Variants in SLC35F3 observed in about 807,000 individuals in gnomAD.
SLC35F3 encodes the protein solute carrier family 35 member F3, also known as putative thiamine transporter SLC35F3.
A neutral mutation model predicts 49.9 loss-of-function variants in SLC35F3; 25 were observed. That is an observed-to-expected ratio of 0.50 (90% CI 0.37 to 0.70). SLC35F3 has a LOEUF of 0.70. SLC35F3 is among the 30% of genes least tolerant of loss of function. The pLI, the probability that SLC35F3 is intolerant of heterozygous loss-of-function variation, is 0.00. For missense variants in SLC35F3, 525 were observed against 639.8 expected, an observed-to-expected ratio of 0.82 and a Z score of 1.94; for synonymous variants, 275 against 265.4, an observed-to-expected ratio of 1.04 and a Z score of -0.35.
intron 3 of SLC35F3, among the ~76,000 whole-genome samples, chr1:234,265,045 A>T (rs559117): frequency 0.38 from 58,222 of 151,852 alleles, 11,887 homozygotes; most frequent in Non-Finnish European, 0.45. Context: ...TGCAGTGTCT[A>T]CGCTTGCTCG....
intron 2 of SLC35F3, among the ~76,000 whole-genome samples, chr1:233,999,891 TAAC>T (rs1663524374): frequency 6.6e-6 from 1 of 152,208 alleles, no homozygotes; most frequent in Non-Finnish European, 1.5e-5. Flanking sequence ...AAAGATTTGT[TAAC>T]AAGTGAATAA....
At chr1:233,972,260 C>T (rs149873719) in intron 2 of SLC35F3, among the ~76,000 whole-genome samples, 1 of 152,256 alleles carries the variant, frequency 6.6e-6, no homozygotes, top group East Asian at 1.9e-4. Context: ...TGAATTGTGA[C>T]GTCTAGGTCA....
intron 2 of SLC35F3, among the ~76,000 whole-genome samples, chr1:234,136,533 C>T (rs1448115832): frequency 6.6e-6 from 1 of 152,110 alleles, no homozygotes; most frequent in Non-Finnish European, 1.5e-5. Flanking sequence ...CTTAATGGTG[C>T]ATATTACAGT....
chr1:234,286,666 CT>C (rs1668425729), intron 3 of SLC35F3, among the ~76,000 whole-genome samples: 1 of 152,140 alleles, frequency 6.6e-6, no homozygotes, highest in Non-Finnish European at 1.5e-5. Context: ...AAATGAACTC[CT>C]ACAAGAAGCA....
intron 2 of SLC35F3, among the ~76,000 whole-genome samples, chr1:234,111,535 C>T (rs113775048): frequency 2.0e-5 from 3 of 152,330 alleles, no homozygotes; most frequent in African/African-American, 4.8e-5. Context: ...TCAGGTCATC[C>T]GCCCGCCTCG....
At chr1:234,053,310 A>G (rs1049292577) in intron 2 of SLC35F3, among the ~76,000 whole-genome samples, 14 of 152,034 alleles carry the variant, frequency 9.2e-5, no homozygotes, top group Non-Finnish European at 2.1e-4. Context: ...TGCTTTATGA[A>G]TCTGGGTGCT....
At chr1:234,005,525 C>A (rs760075133) in intron 2 of SLC35F3, among the ~76,000 whole-genome samples, 1 of 152,100 alleles carries the variant, frequency 6.6e-6, no homozygotes, top group Non-Finnish European at 1.5e-5. Flanking sequence ...CTGCTGCTGA[C>A]GACAAATAGA....
intron 2 of SLC35F3, among the ~76,000 whole-genome samples, chr1:234,086,956 T>C (rs558304157): frequency 1.3e-5 from 2 of 152,380 alleles, no homozygotes; most frequent in East Asian, 1.9e-4. Context: ...CCAGGTATAA[T>C]AAATTGCCTC....
chr1:234,234,675 C>T (rs1214172226), intron 3 of SLC35F3, among the ~76,000 whole-genome samples: 2 of 152,088 alleles, frequency 1.3e-5, no homozygotes, highest in African/African-American at 4.8e-5. Context: ...ATGAGTGACT[C>T]CATTGAGCCC....
intron 2 of SLC35F3, among the ~76,000 whole-genome samples, chr1:234,062,290 G>A (rs1448233276): frequency 6.6e-6 from 1 of 152,134 alleles, no homozygotes; most frequent in Admixed American, 6.5e-5. Flanking sequence ...AGTCACCCTA[G>A]GATGACAGTG....
At chr1:233,909,293 C>T (rs1316176992) in intron 2 of SLC35F3, among the ~76,000 whole-genome samples, 1 of 152,196 alleles carries the variant, frequency 6.6e-6, no homozygotes, top group East Asian at 1.9e-4. Context: ...AAAAGTCCTC[C>T]AAGCTCCACA....
chr1:234,314,412 A>G (rs970727137), intron 4 of SLC35F3, among the ~76,000 whole-genome samples: 12 of 152,150 alleles, frequency 7.9e-5, no homozygotes, highest in African/African-American at 2.9e-4. Flanking sequence ...ACTGTCCTTC[A>G]TTGCCTCCAA....
intron 2 of SLC35F3, among the ~76,000 whole-genome samples, chr1:234,040,128 C>G (rs565554036): frequency 1.3e-5 from 2 of 152,242 alleles, no homozygotes; most frequent in East Asian, 3.9e-4. Flanking sequence ...GTGGAGAAGG[C>G]AGCTGGAAAG....
chr1:234,267,305 G>A (rs1453305753), intron 3 of SLC35F3, among the ~76,000 whole-genome samples: 10 of 132,732 alleles, frequency 7.5e-5, no homozygotes, highest in African/African-American at 3.0e-4. Context: ...GCAACCATCC[G>A]ATTTCTCAAT....
chr1:233,923,624 T>C (rs1662105119), intron 2 of SLC35F3, among the ~76,000 whole-genome samples: 1 of 152,178 alleles, frequency 6.6e-6, no homozygotes, highest in Admixed American at 6.5e-5. Context: ...CTTTTCCTAA[T>C]TGAATACCCT....
chr1:234,163,733 T>G (rs145442100), intron 2 of SLC35F3, among the ~76,000 whole-genome samples: 1 of 152,354 alleles, frequency 6.6e-6, no homozygotes, highest in Admixed American at 6.5e-5. Flanking sequence ...ATTTTTAAAC[T>G]CATAGACTAA....
At chr1:234,138,572 TACAG>T (rs1364067085) in intron 2 of SLC35F3, among the ~76,000 whole-genome samples, 4 of 152,194 alleles carry the variant, frequency 2.6e-5, no homozygotes, top group Non-Finnish European at 4.4e-5. Context: ...GTTTTTGTTT[TACAG>T]ACAGAGTCTT....
intron 2 of SLC35F3, among the ~76,000 whole-genome samples, chr1:233,952,331 C>T (rs1405174821): frequency 7.2e-5 from 11 of 152,132 alleles, no homozygotes; most frequent in Non-Finnish European, 1.3e-4. Context: ...GACTACTTAT[C>T]TTGGAAGCAG....
intron 2 of SLC35F3, among the ~76,000 whole-genome samples, chr1:234,160,501 C>G (rs1666209644): frequency 6.6e-6 from 1 of 152,132 alleles, no homozygotes; most frequent in South Asian, 2.1e-4. Flanking sequence ...GTGGACTTCC[C>G]CTTTGAGTTG....
Sources: gnomAD v4.1 joint callset for allele counts (sites outside exome capture counted in the v4.1 genomes callset) on GRCh38, gnomAD v4.1.1 for gene constraint, MANE v1.5 for transcripts, NCBI Gene and HGNC (gene_info 2026-07-23, HGNC 2026-07-21) for gene names.